The following COL25A1 variants were observed in gnomAD, a reference collection of about 807,000 sequenced individuals.
The protein encoded by COL25A1 is collagen alpha-1(XXV) chain.
In COL25A1, 103 loss-of-function variants were observed where a neutral mutation model predicts 128.4. The observed-to-expected ratio is 0.80, with a 90% confidence interval of 0.68 to 0.94. The LOEUF is 0.94. COL25A1 is among the 40% of genes least tolerant of loss of function. The pLI, the probability that COL25A1 is intolerant of heterozygous loss-of-function variation, is 0.00. For synonymous variants in COL25A1, 279 were observed against 277.2 expected (o/e 1.01, Z -0.06); for missense variants, 745 against 840.0 (o/e 0.89, Z 1.40).
chr4:108,982,293 T>C lies in COL25A1; in HGVS notation c.439-7734A>G, dbSNP rs139002577. ...AAATGTCCTGGGGGGACGGTGGAAA[T>C]ATTTCGAGAATAGGAAGGTCTAATA... On this transcript the variant is annotated intron_variant, in intron 6 of 37. Coordinates refer to ENST00000399132, the MANE Select transcript of COL25A1 (RefSeq NM_198721.4). Among the ~76,000 whole-genome samples the C allele has an allele frequency of 2.5e-3, 375 of 152,252 alleles. 1 individual carries two copies. Among genetic ancestry groups the C allele is most frequent in the African/African-American group, 8.6e-3 (359 of 41,566 alleles).
chr4:109,124,802 A>T (rs1579443380), intron 3 of COL25A1, among the ~76,000 whole-genome samples: 1 of 152,054 alleles, frequency 6.6e-6, no homozygotes, highest in African/African-American at 2.4e-5. Context: ...TTCTTAAAAA[A>T]ATCACACATT....
At chr4:108,977,027 C>T (rs1752505281) in intron 6 of COL25A1, among the ~76,000 whole-genome samples, 1 of 152,112 alleles carries the variant, frequency 6.6e-6, no homozygotes, top group African/African-American at 2.4e-5. Context: ...GGACTTTAAC[C>T]CAGTATGTGT....
chr4:109,075,796 C>T (rs918087226), intron 3 of COL25A1, among the ~76,000 whole-genome samples: 8 of 152,088 alleles, frequency 5.3e-5, no homozygotes, highest in Admixed American at 3.3e-4. Flanking sequence ...CACTTAAAAG[C>T]CCACATAAAT....
intron 13 of COL25A1, among the ~76,000 whole-genome samples, chr4:108,916,538 A>AG (rs1744895958): frequency 6.6e-6 from 1 of 152,242 alleles, no homozygotes; most frequent in South Asian, 2.1e-4. Flanking sequence ...GAAAAGAAAC[A>AG]AAGACGAAAA....
intron 3 of COL25A1, among the ~76,000 whole-genome samples, chr4:109,107,165 A>C (rs944520500): frequency 6.6e-5 from 10 of 152,206 alleles, no homozygotes; most frequent in African/African-American, 2.4e-4. Flanking sequence ...GTTCCAATGA[A>C]GCAATTTAGA....
intron 5 of COL25A1, among the ~76,000 whole-genome samples, chr4:109,019,157 A>C (rs901226738): frequency 2.0e-5 from 3 of 151,868 alleles, no homozygotes; most frequent in African/African-American, 7.3e-5. Context: ...CAGGCAGAAA[A>C]ACATGAAAAA....
intron 8 of COL25A1, among the ~76,000 whole-genome samples, chr4:108,952,885 T>C (rs900297343): frequency 8.1e-6 from 1 of 122,910 alleles, no homozygotes; most frequent in Non-Finnish European, 1.6e-5. Context: ...AGAGAAAGCA[T>C]AAGTGTCCTG....
At chr4:109,120,083 C>T (rs185201040) in intron 3 of COL25A1, among the ~76,000 whole-genome samples, 61 of 152,154 alleles carry the variant, frequency 4.0e-4, no homozygotes, top group Non-Finnish European at 7.8e-4. Context: ...CAAAATGCAA[C>T]ACCCATTAAT....
Position 108,813,583 on chromosome 4 carries a change from A to G in COL25A1, c.*344T>C, listed in dbSNP as rs1179090095. The G allele has an allele frequency of 4.1e-6, 1 of 242,838 alleles. No individual in the cohort carries two copies. Among genetic ancestry groups the G allele is most frequent in the African/African-American group, 2.3e-5 (1 of 44,210 alleles). 15.0% of individuals were successfully genotyped at this position (242,838 alleles called of 1,614,324 possible). On this transcript the variant is annotated 3_prime_UTR_variant, in exon 38 of 38. Transcript: ENST00000399132. ...ATTTGGTCACCATTTCATGTAAACT[A>G]TTTCATGGCACTTTTTGTCCATGCA...
At chr4:108,933,304 C>G (rs1746974741) in intron 11 of COL25A1, among the ~76,000 whole-genome samples, 1 of 152,110 alleles carries the variant, frequency 6.6e-6, no homozygotes, top group Admixed American at 6.6e-5. Context: ...AAGCACTCCT[C>G]CATGACACAA....
At position 109,217,820 on chromosome 4, in the gene COL25A1, C is replaced by T. The variant is rs115204428; in HGVS notation, c.367+82763G>A. Among the ~76,000 whole-genome samples the T allele has an allele frequency of 9.6e-3, 1,466 of 152,232 alleles. 8 individuals carry two copies. The highest frequency in any genetic ancestry group is 0.015 in the Non-Finnish European group (1,037 of 68,000). On this transcript the variant is annotated intron_variant, in intron 3 of 37. Transcript: ENST00000399132. The stretch of plus-strand genomic sequence containing the variant: ...TAGTTGTTATACTGTTGAGTTTAGT[C>T]AATAACAACAGGAAAAAGTTTGTAC...
At chr4:108,883,988 T>G (rs1002974647) in intron 19 of COL25A1, among the ~76,000 whole-genome samples, 190 bp downstream of exon 19, 1 of 152,222 alleles carries the variant, frequency 6.6e-6, no homozygotes, top group Non-Finnish European at 1.5e-5. Context: ...ACAATCCATA[T>G]TGCCATGGCA....
intron 6 of COL25A1, among the ~76,000 whole-genome samples, chr4:108,993,737 G>A (rs182855966): frequency 1.7e-3 from 261 of 152,032 alleles, no homozygotes; most frequent in African/African-American, 5.9e-3. Context: ...GTAGGTTCCT[G>A]TAATCCCAGC....
intron 3 of COL25A1, among the ~76,000 whole-genome samples, chr4:109,196,325 GT>G (rs1776038612): frequency 6.6e-6 from 1 of 151,978 alleles, no homozygotes; most frequent in African/African-American, 2.4e-5. Context: ...AAAGGAGAAA[GT>G]TTTCCACATA....
At chr4:108,880,323 T>C (rs544946277) in intron 19 of COL25A1, among the ~76,000 whole-genome samples, 1 of 152,208 alleles carries the variant, frequency 6.6e-6, no homozygotes, top group Non-Finnish European at 1.5e-5. Context: ...AAGGGTATAG[T>C]GTGATGTCAT....
At chr4:108,940,025 G>A (rs1046422521) in intron 10 of COL25A1, among the ~76,000 whole-genome samples, 2 of 152,088 alleles carry the variant, frequency 1.3e-5, no homozygotes, top group African/African-American at 2.4e-5. Context: ...GGGGGTTCAC[G>A]TTATTTATAA....
intron 3 of COL25A1, among the ~76,000 whole-genome samples, chr4:109,184,013 CT>C (rs1197113558): frequency 2.0e-5 from 3 of 151,154 alleles, no homozygotes; most frequent in African/African-American, 4.9e-5. Flanking sequence ...GAAAAAAATG[CT>C]GTTGTCCAAA....
intron 6 of COL25A1, among the ~76,000 whole-genome samples, chr4:108,997,171 A>G (rs1754865012): frequency 6.6e-6 from 1 of 152,150 alleles, no homozygotes; most frequent in Non-Finnish European, 1.5e-5. Context: ...CCCTTCAAAT[A>G]AATCAATGAA....
chr4:109,003,094 A>G (rs1181666435), intron 6 of COL25A1, among the ~76,000 whole-genome samples: 4 of 152,194 alleles, frequency 2.6e-5, no homozygotes, highest in African/African-American at 9.6e-5. Context: ...AGCAATTGCA[A>G]CAAAATCCAA....
Sources: allele counts gnomAD v4.1 joint callset (sites outside exome capture counted in the v4.1 genomes callset), GRCh38; gene constraint gnomAD v4.1.1; transcripts MANE v1.5; gene names NCBI Gene and HGNC (gene_info 2026-07-23, HGNC 2026-07-21).